GSE1: variants seen among roughly 807,000 people sequenced by gnomAD.
The protein encoded by GSE1 is Gse1 coiled-coil protein, also known as genetic suppressor element 1.
In GSE1, 32 loss-of-function variants were observed where a neutral mutation model predicts 112.6. That is an observed-to-expected ratio of 0.28 (90% CI 0.21 to 0.38). The LOEUF is 0.38. Ranked by LOEUF, GSE1 falls within the 10% of genes least tolerant of loss-of-function variation. The pLI, the probability that GSE1 is intolerant of heterozygous loss-of-function variation, is 1.00. For missense variants in GSE1, 2,348 were observed against 1,699.2 expected, an observed-to-expected ratio of 1.38 and a Z score of -6.71; for synonymous variants, 1,115 against 735.6, an observed-to-expected ratio of 1.52 and a Z score of -8.35.
At chr16:85,554,168 G>C, upstream of GSE1, among the ~76,000 whole-genome samples, 1 of 152,120 alleles carries the variant, frequency 6.6e-6, no homozygotes, top group Non-Finnish European at 1.5e-5. Context: ...GGAGAGGGTG[G>C]GGGGACGTGG....
At chr16:85,268,082 C>T (rs1908435654) in intron 1 of GSE1, among the ~76,000 whole-genome samples, 1 of 152,134 alleles carries the variant, frequency 6.6e-6, no homozygotes, top group Admixed American at 6.5e-5. Context: ...AGGTGGGGTT[C>T]ACTATGCCCA....
intron 2 of GSE1, among the ~76,000 whole-genome samples, chr16:85,487,221 AC>A (rs974008339): frequency 6.6e-6 from 1 of 151,472 alleles, no homozygotes; most frequent in African/African-American, 2.4e-5. Flanking sequence ...TCACCTCCTC[AC>A]CCCCCCAGGA....
intron 2 of GSE1, among the ~76,000 whole-genome samples, chr16:85,518,985 G>A (rs2052047286): frequency 6.6e-6 from 1 of 152,096 alleles, no homozygotes; most frequent in African/African-American, 2.4e-5. Flanking sequence ...AGCGCACTCT[G>A]GACCCGTCTG....
chr16:85,267,420 G>GGGGAAT (rs1908365347), intron 1 of GSE1, among the ~76,000 whole-genome samples: 1 of 152,134 alleles, frequency 6.6e-6, no homozygotes, highest in Non-Finnish European at 1.5e-5. Context: ...AGGATACCTG[G>GGGGAAT]CATGGAGGGG....
intron 1 of GSE1, among the ~76,000 whole-genome samples, chr16:85,304,720 A>G (rs950597327): frequency 5.9e-5 from 9 of 151,654 alleles, no homozygotes; most frequent in African/African-American, 2.2e-4. Context: ...CATAAATAAC[A>G]CCTGCAGAAG....
In GSE1 at chr16:85,614,182, C is replaced by T. The variant is rs544220982; in HGVS notation, c.7+784C>T. 7.8e-3 allele frequency among the ~76,000 whole-genome samples: 1,182 copies of T among 152,116 alleles called. 12 individuals are homozygous for T. The highest frequency in any genetic ancestry group is 0.028 in the African/African-American group (1,144 of 41,456). On this transcript the variant is annotated intron_variant, in intron 1 of 15. Transcript: ENST00000253458. ...CCACCCGCACTGGCCTTTTTCCCTC[C>T]CCGGCCCTTCCTGCTCCGCCTGGAT...
chr16:85,567,785 C>T (rs117572908), intron 1 of GSE1, among the ~76,000 whole-genome samples: 1,637 of 152,292 alleles, frequency 0.011, 13 homozygotes, highest in Non-Finnish European at 0.019. Flanking sequence ...TGTAGTGGTG[C>T]GATCTCAGCT....
At chr16:85,170,793 C>T in exon 1 of GSE1, 4 of 985,588 alleles carry the variant, frequency 4.1e-6, no homozygotes, top group Admixed American at 6.1e-5. Context: ...TGGTGTGCGC[C>T]AGCTGCTTCT....
chr16:85,310,781 C>T (rs1057013231), intron 1 of GSE1, among the ~76,000 whole-genome samples: 2 of 147,052 alleles, frequency 1.4e-5, no homozygotes, highest in Non-Finnish European at 3.0e-5. Flanking sequence ...TGGCCTGCGT[C>T]CCCCCCCCAC....
At chr16:85,669,785 G>A (rs2053178514) in intron 14 of GSE1, among the ~76,000 whole-genome samples, 1 of 152,214 alleles carries the variant, frequency 6.6e-6, no homozygotes, top group Non-Finnish European at 1.5e-5. Context: ...GAGTAAGGCA[G>A]AAATCTTAAC....
intron 1 of GSE1, among the ~76,000 whole-genome samples, chr16:85,312,630 C>G (rs1253736861): frequency 6.7e-6 from 1 of 149,474 alleles, no homozygotes; most frequent in East Asian, 2.0e-4. Context: ...CTGCCACATT[C>G]ACAGGTTCCA....
chr16:85,379,363 G>T (rs969129009), intron 2 of GSE1, among the ~76,000 whole-genome samples: 1 of 152,164 alleles, frequency 6.6e-6, no homozygotes, highest in Non-Finnish European at 1.5e-5. Flanking sequence ...ATGGTGCCTG[G>T]CCCCGTGAGG....
chr16:85,237,507 G>T (rs543335275), intron 1 of GSE1, among the ~76,000 whole-genome samples: 56 of 152,084 alleles, frequency 3.7e-4, no homozygotes, highest in Non-Finnish European at 6.8e-4. Flanking sequence ...CGTGCTTGGG[G>T]TTTGGCTTCT....
At chr16:85,257,398 A>T (rs1455604694) in intron 1 of GSE1, among the ~76,000 whole-genome samples, 1 of 152,214 alleles carries the variant, frequency 6.6e-6, no homozygotes, top group Non-Finnish European at 1.5e-5. Context: ...GGCATGAGCC[A>T]CCACGCTCAG....
chr16:85,450,484 C>T (rs1299236529), intron 2 of GSE1, among the ~76,000 whole-genome samples: 1 of 150,812 alleles, frequency 6.6e-6, no homozygotes, highest in Non-Finnish European at 1.5e-5. Flanking sequence ...GAGTCGCACT[C>T]TGTCACTCAG....
chr16:85,225,067 G>T (rs1776019842), intron 1 of GSE1, among the ~76,000 whole-genome samples: 1 of 152,122 alleles, frequency 6.6e-6, no homozygotes, highest in Non-Finnish European at 1.5e-5. Flanking sequence ...GGAGGTGGAA[G>T]TTGCAGTGAG....
At chr16:85,329,886 C>T (rs577572650) in intron 1 of GSE1, among the ~76,000 whole-genome samples, 487 of 78,484 alleles carry the variant, frequency 6.2e-3, no homozygotes, top group Middle Eastern at 0.025. Flanking sequence ...GGCCAGGCAT[C>T]AGGGGCAGGG....
At chr16:85,211,289 C>T (rs1362080056) in intron 1 of GSE1, among the ~76,000 whole-genome samples, 1 of 151,476 alleles carries the variant, frequency 6.6e-6, no homozygotes, top group African/African-American at 2.4e-5. Flanking sequence ...GTCTCAGCTT[C>T]AGGCTTGTGG....
intron 1 of GSE1, among the ~76,000 whole-genome samples, chr16:85,577,108 C>T (rs977772439): frequency 7.3e-5 from 11 of 151,710 alleles, no homozygotes; most frequent in African/African-American, 2.7e-4. Flanking sequence ...CCCGGGCACC[C>T]GGCCAGGGGC....
Sources: gnomAD v4.1 joint callset for allele counts (sites outside exome capture counted in the v4.1 genomes callset) on GRCh38, gnomAD v4.1.1 for gene constraint, MANE v1.5 for transcripts, NCBI Gene and HGNC (gene_info 2026-07-23, HGNC 2026-07-21) for gene names.